MVD: variants seen among roughly 807,000 people sequenced by gnomAD.
MVD encodes mevalonate diphosphate decarboxylase.
In MVD, 52 loss-of-function variants were observed where a neutral mutation model predicts 42.4. The ratio of observed to expected loss-of-function variants is 1.23; its 90% confidence interval spans 0.98 to 1.55. MVD has a LOEUF of 1.55. Ranked by LOEUF, MVD falls within the 40% of genes most tolerant of loss-of-function variation. The pLI is 0.00. For synonymous variants in MVD, 287 were observed against 243.2 expected, an observed-to-expected ratio of 1.18 and a Z score of -1.68; for missense variants, 663 against 572.1, an observed-to-expected ratio of 1.16 and a Z score of -1.62.
At chr16:88,653,192 A>G in intron 9 of MVD, 108 bp downstream of exon 9, 1 of 812,408 alleles carries the variant, frequency 1.2e-6, no homozygotes, top group Non-Finnish European at 2.0e-6. Context: ...TGCCTGAGAC[A>G]CGGTAGGGAC....
At chr16:88,658,833 C>G in intron 1 of MVD, 113 bp from the exon 2 acceptor site, 1 of 787,778 alleles carries the variant, frequency 1.3e-6, no homozygotes, top group Non-Finnish European at 2.0e-6. Flanking sequence ...TCAGTCCCGT[C>G]TCTCACCGCA....
chr16:88,653,938 T>G (rs1465724260), intron 8 of MVD, among the ~76,000 whole-genome samples: 2 of 152,044 alleles, frequency 1.3e-5, no homozygotes, highest in African/African-American at 4.8e-5. Context: ...AAGGTGTTAT[T>G]GCTCCCACCC....
At chr16:88,654,840 C>A in intron 7 of MVD, 33 bp from the exon 8 acceptor site, 1 of 1,537,230 alleles carries the variant, frequency 6.5e-7, no homozygotes, top group African/African-American at 1.4e-5. Flanking sequence ...TGGCTATTCA[C>A]GTGGTGCCTG....
At chr16:88,659,235 C>T (rs1908135354) in intron 1 of MVD, 2 of 177,426 alleles carry the variant, frequency 1.1e-5, no homozygotes, top group South Asian at 1.2e-4. Context: ...TCTTATTCCA[C>T]GGCGGCTTCG....
Position 88,654,706 on chromosome 16 carries a change from G to C in MVD, c.999C>G (p.Gly333=). The C allele has an allele frequency of 6.3e-7, 1 of 1,599,050 alleles. No individual in the cohort carries two copies. Among genetic ancestry groups the C allele is most frequent in the Non-Finnish European group, 8.5e-7 (1 of 1,175,470 alleles). ...TCCACACTCACGTGTCTCCATTCGAGCCTGGGGGAAAGCCGTGCCACACAG... is the reference window on the plus strand; with the variant it reads ...TCCACACTCACGTGTCTCCATTCGACCCTGGGGGAAAGCCGTGCCACACAG... The part of the protein sequence containing the change: ...VAAVWHGFPP[G]SNGDTFLKGL... Residue 333 remains glycine (G), a synonymous_variant, in exon 8 of 10, where the codon GGC becomes GGG. Coordinates refer to ENST00000301012, the MANE Select transcript of MVD (RefSeq NM_002461.3).
rs1907626544 is a variant in MVD at position 88,652,453 on chromosome 16, C to A, written c.*72G>T. ...CACATGTCCCAGGAGTCCGGCCAGC[C>A]CACCACATCCGCTCCCTAGCTCCGG... On this transcript the variant is annotated 3_prime_UTR_variant, in exon 10 of 10. Coordinates refer to ENST00000301012, the MANE Select transcript of MVD (RefSeq NM_002461.3). The A allele has an allele frequency of 1.3e-6, 2 of 1,502,486 alleles. No individual in the cohort carries two copies. The highest frequency in any genetic ancestry group is 1.4e-5 in the African/African-American group (1 of 72,156). The allele number at this position is 1,502,486 out of a possible 1,614,324, so 93.1% of individuals were successfully genotyped here.
chr16:88,655,631 C>G, intron 6 of MVD, 25 bp downstream of exon 6: 3 of 1,547,768 alleles, frequency 1.9e-6, no homozygotes, highest in Non-Finnish European at 2.6e-6. Context: ...CCCAGGGCCC[C>G]GGGACCACCC....
chr16:88,655,780 C>G (rs372832541), intron 5 of MVD, 50 bp from the exon 6 acceptor site: 1 of 1,538,404 alleles, frequency 6.5e-7, no homozygotes, highest in Non-Finnish European at 8.8e-7. Context: ...GGGCCAGCCC[C>G]AAGGACCTCA....
chr16:88,654,785 C>A lies in MVD; in HGVS notation c.920G>T (p.Gly307Val). The A allele has an allele frequency of 6.3e-7, 1 of 1,590,374 alleles. No individual in the cohort carries two copies. Residue 307 changes from glycine to valine, a missense_variant, in exon 8 of 10, where the codon GGC becomes GTC. Transcript: ENST00000301012. Reference protein sequence around the residue: ...DTKVAYTFDAGPNAVIFTLDD... With the variant: ...DTKVAYTFDAVPNAVIFTLDD... ...CAGGGTGAAGATCACGGCATTGGGG[C>A]CCGCGTCAAAGGTGTACGCCACCTG...
At chr16:88,657,744 G>C in intron 3 of MVD, 162 bp from the exon 4 acceptor site, 1 of 1,276,364 alleles carries the variant, frequency 7.8e-7, no homozygotes, top group Non-Finnish European at 1.1e-6. Flanking sequence ...CCCAAGCCCA[G>C]CTGGTCATTG....
chr16:88,660,494 A>C (rs1404637990), intron 1 of MVD: 1 of 151,560 alleles, frequency 6.6e-6, no homozygotes, highest in Non-Finnish European at 1.5e-5. Flanking sequence ...AAAGTACAAA[A>C]ATTAGCCAGG....
rs1908200844 is a variant in MVD, at chr16:88,660,179, G to T, written c.71-1459C>A. Reference sequence around the variant, plus strand: ...AGCAGACACTCAGGAATTCCTGAGGGCCTGGTGGGGATGGGACAGCGTTGG... The same window carrying T: ...AGCAGACACTCAGGAATTCCTGAGGTCCTGGTGGGGATGGGACAGCGTTGG... On this transcript the variant is annotated intron_variant, in intron 1 of 9. Coordinates refer to ENST00000301012, the MANE Select transcript of MVD (RefSeq NM_002461.3). 2.0e-5 allele frequency among the ~76,000 whole-genome samples: 3 copies of T among 152,106 alleles called. No homozygotes were observed. In the South Asian group the frequency reaches 6.2e-4, roughly 31 times the overall value.
intron 8 of MVD, 192 bp from the exon 9 acceptor site, chr16:88,653,600 A>T: frequency 1.8e-6 from 1 of 555,032 alleles, no homozygotes; most frequent in Non-Finnish European, 3.2e-6. Flanking sequence ...AGGTGGCTTG[A>T]GGTGGTGCTC....
chr16:88,657,884 G>T, intron 3 of MVD, 31 bp downstream of exon 3: 1 of 1,597,208 alleles, frequency 6.3e-7, no homozygotes, highest in South Asian at 1.1e-5. Context: ...TGACAACAGG[G>T]AGGGATGGGC....
intron 5 of MVD, 99 bp downstream of exon 5, chr16:88,656,006 C>G: frequency 6.8e-7 from 1 of 1,471,164 alleles, no homozygotes; most frequent in Non-Finnish European, 9.1e-7. Flanking sequence ...AGGAGCCAAG[C>G]AAAGCCTGGA....
chr16:88,656,308 C>A lies in MVD; in HGVS notation c.404-4G>T, dbSNP rs1025328984. On this transcript the variant is annotated splice_polypyrimidine_tract_variant and splice_region_variant and intron_variant, in intron 4 of 9. Transcript: ENST00000301012. ...TAGACACGGGCCAGGGTGTAGGCTG[C>A]AGGCATGCGGATTCAGGGAGGGTCC... 7.5e-6 allele frequency: 12 copies of A among 1,598,972 alleles called. No homozygotes were observed. The highest frequency in any genetic ancestry group is 1.0e-5 in the Non-Finnish European group (12 of 1,179,896).
At chr16:88,658,798 C>T in intron 1 of MVD, 78 bp from the exon 2 acceptor site, 1 of 1,030,364 alleles carries the variant, frequency 9.7e-7, no homozygotes, top group African/African-American at 1.8e-5. Flanking sequence ...GTGCCCCCAC[C>T]CCCCACCCAC....
chr16:88,653,231 C>G, intron 9 of MVD, 69 bp downstream of exon 9: 2 of 1,321,210 alleles, frequency 1.5e-6, no homozygotes, highest in South Asian at 1.3e-5. Flanking sequence ...TTTAAGGGCC[C>G]TGGGGGCTGG....
At chr16:88,656,460 G>A (rs142373947) in intron 4 of MVD, 156 bp from the exon 5 acceptor site, 13 of 760,966 alleles carry the variant, frequency 1.7e-5, no homozygotes, top group Admixed American at 1.2e-4. Context: ...AGCATTCACC[G>A]GCCCAGCCGT....
Sources: allele counts gnomAD v4.1 joint callset (sites outside exome capture counted in the v4.1 genomes callset), GRCh38; gene constraint gnomAD v4.1.1; transcripts MANE v1.5; gene names NCBI Gene and HGNC (gene_info 2026-07-23, HGNC 2026-07-21).